The following WNT5B variants were observed in gnomAD, a reference collection of about 807,000 sequenced individuals.
WNT5B encodes Wnt family member 5B.
A neutral mutation model predicts 36.5 loss-of-function variants in WNT5B; 18 were observed. The observed-to-expected ratio is 0.49, with a 90% confidence interval of 0.34 to 0.73. The LOEUF (loss-of-function observed/expected upper bound fraction) is 0.73, where lower values mean the gene tolerates loss of function less well. WNT5B is among the 30% of genes least tolerant of loss of function. The pLI is 0.01. For missense variants in WNT5B, 424 were observed against 508.4 expected (o/e 0.83, Z 1.60); for synonymous variants, 213 against 212.3 (o/e 1.00, Z -0.03).
At chr12:1,625,301 G>A (rs2094539533), upstream of WNT5B, among the ~76,000 whole-genome samples, 3 of 152,300 alleles carry the variant, frequency 2.0e-5, no homozygotes, top group Admixed American at 6.5e-5. Context: ...AACTACTCTG[G>A]TGTTCAGATG....
chr12:1,622,272 G>C (rs1034308991), intron 1 of WNT5B, among the ~76,000 whole-genome samples: 3 of 151,922 alleles, frequency 2.0e-5, no homozygotes, highest in African/African-American at 7.3e-5. Flanking sequence ...CACCACGCCC[G>C]GCTAATTTTT....
Position 1,618,430 on chromosome 12 carries a change from T to C in WNT5B, c.-58+1287T>C, listed in dbSNP as rs2094529736. The stretch of plus-strand genomic sequence containing the variant: ...ACAAATAAATGTTTTTCCCCTATAG[T>C]ACAATACCCCAGAACTCTAGATCTG... On this transcript the variant is annotated intron_variant, in intron 1 of 4. Coordinates refer to the WNT5B transcript ENST00000310594. The surrounding 1 kb of genome is among the most constrained non-coding windows in gnomAD (Gnocchi z 4.1). Among the ~76,000 whole-genome samples, 1 of 152,102 alleles carries C rather than the reference T, an allele frequency of 6.6e-6. No homozygotes were observed. The highest frequency in any genetic ancestry group is 6.6e-5 in the Admixed American group (1 of 15,266).
In WNT5B at chr12:1,633,737, AC is replaced by A. The variant is rs1473050766; in HGVS notation, c.328+834del. ...CTTCTGCCTGACATTCTCCCAGAAC[AC>A]CTCCCTTCAAAAGGTTACCTGAGGC... is the stretch of plus-strand genomic sequence containing the variant. On this transcript the variant is annotated intron_variant, in intron 3 of 4. Coordinates refer to ENST00000397196, the MANE Select transcript of WNT5B (RefSeq NM_032642.3). The surrounding 1 kb of genome is among the most constrained non-coding windows in gnomAD (Gnocchi z 4.8). Among the ~76,000 whole-genome samples the A allele has an allele frequency of 2.6e-5, 4 of 151,984 alleles. No individual in the cohort carries two copies. Among genetic ancestry groups the A allele is most frequent in the Non-Finnish European group, 5.9e-5 (4 of 68,008 alleles).
At chr12:1,622,256 G>C (rs753502589) in intron 1 of WNT5B, among the ~76,000 whole-genome samples, 1 of 151,912 alleles carries the variant, frequency 6.6e-6, no homozygotes, top group Non-Finnish European at 1.5e-5. Context: ...GACTACAGGC[G>C]CCCGCCACCA....
chr12:1,621,720 T>G (rs2094534050), intron 1 of WNT5B, among the ~76,000 whole-genome samples: 4 of 151,480 alleles, frequency 2.6e-5, no homozygotes, highest in Admixed American at 2.6e-4. Flanking sequence ...TTTTTTTTTT[T>G]TTTTGGTAGA....
chr12:1,620,216 C>T (rs1409711194), intron 1 of WNT5B, among the ~76,000 whole-genome samples: 1 of 152,162 alleles, frequency 6.6e-6, no homozygotes, highest in African/African-American at 2.4e-5. Context: ...ATCACAGCCC[C>T]CTCCCTTGGA....
At chr12:1,634,051 AT>A (rs554304332) in intron 3 of WNT5B, among the ~76,000 whole-genome samples, 8 of 151,258 alleles carry the variant, frequency 5.3e-5, no homozygotes, top group African/African-American at 7.3e-5. Context: ...TATAAAAAAA[AT>A]TTTTTTTTTC....
chr12:1,635,738 A>G (rs1456239768), intron 3 of WNT5B, among the ~76,000 whole-genome samples: 1 of 152,224 alleles, frequency 6.6e-6, no homozygotes, highest in African/African-American at 2.4e-5. Context: ...CCTCCCTGAG[A>G]GGCTCTTTGG....
At chr12:1,639,557 C>T (rs1392464053) in intron 3 of WNT5B, 127 bp from the exon 4 acceptor site, 16 of 1,058,274 alleles carry the variant, frequency 1.5e-5, no homozygotes, top group Non-Finnish European at 2.1e-5. Context: ...CTACGGGAAG[C>T]GAAGCCCCCT....
In WNT5B at chr12:1,646,818, C is replaced by T. The variant is rs895022079; in HGVS notation, c.*566C>T. ...CGGCTCCTTCCCTAAAATGAGAAGT[C>T]CAAGGTCATCTCTGGCCCAGTGACC... On this transcript the variant is annotated 3_prime_UTR_variant, in exon 5 of 5. Coordinates refer to ENST00000397196, the MANE Select transcript of WNT5B (RefSeq NM_032642.3). The T allele has an allele frequency of 5.9e-5, 9 of 152,234 alleles. No homozygotes were observed. Among genetic ancestry groups the T allele is most frequent in the Non-Finnish European group, 1.0e-4 (7 of 68,104 alleles). 9.4% of individuals were successfully genotyped at this position (152,234 alleles called of 1,614,324 possible). A position where few individuals can be genotyped will look rare whatever the true frequency, so the allele number is the denominator to read the frequency against.
chr12:1,639,656 C>A (rs1227611028), intron 3 of WNT5B, 28 bp from the exon 4 acceptor site: 2 of 1,479,338 alleles, frequency 1.4e-6, no homozygotes, highest in Admixed American at 2.5e-5. Flanking sequence ...AGAGCGCACC[C>A]GCTTACCGCC....
At chr12:1,639,390 G>A (rs944681164) in intron 3 of WNT5B, among the ~76,000 whole-genome samples, 3 of 152,152 alleles carry the variant, frequency 2.0e-5, no homozygotes, top group South Asian at 2.1e-4. Flanking sequence ...CGCCCGCCCC[G>A]GCCTCCCAAA....
At chr12:1,619,766 C>T (rs2094531370) in intron 1 of WNT5B, among the ~76,000 whole-genome samples, 1 of 152,118 alleles carries the variant, frequency 6.6e-6, no homozygotes, top group African/African-American at 2.4e-5. Flanking sequence ...ATTCATGTGC[C>T]GTTGATCCAG....
chr12:1,621,699 A>G (rs9634145), intron 1 of WNT5B, among the ~76,000 whole-genome samples: 114,951 of 150,522 alleles, frequency 0.76, 44,406 homozygotes, highest in African/African-American at 0.84. Context: ...GTGCCACCAT[A>G]TCCAGCTATT....
At chr12:1,620,346 T>C (rs531165924) in intron 1 of WNT5B, among the ~76,000 whole-genome samples, 1 of 152,374 alleles carries the variant, frequency 6.6e-6, no homozygotes, top group Non-Finnish European at 1.5e-5. Flanking sequence ...TATACTTTCT[T>C]GTGACTTGCT....
intron 4 of WNT5B, among the ~76,000 whole-genome samples, chr12:1,642,556 G>C (rs2094577450): frequency 6.6e-6 from 1 of 152,194 alleles, no homozygotes; most frequent in East Asian, 1.9e-4. Context: ...TATACACAGA[G>C]GAGTTCCGTG....
intron 1 of WNT5B, among the ~76,000 whole-genome samples, chr12:1,623,411 G>A (rs912005405): frequency 6.6e-6 from 1 of 151,624 alleles, no homozygotes; most frequent in Admixed American, 6.6e-5. Flanking sequence ...TAGCCAGGAT[G>A]GTCTCCATCT....
At position 1,646,372 on chromosome 12, in the gene WNT5B, A is replaced by G. The variant is rs1308563882; in HGVS notation, c.*120A>G. On this transcript the variant is annotated 3_prime_UTR_variant, in exon 5 of 5. Transcript: ENST00000397196. The stretch of plus-strand genomic sequence containing the variant: ...AATGGGTGGGTGCTATACAATGGAA[A>G]GATGAAAATGGAAAGGAAGAGCTTA... 3 of 860,026 alleles carry G rather than the reference A, an allele frequency of 3.5e-6. No individual in the cohort carries two copies. The African/African-American group carries it at 5.2e-5, about 15-fold the overall frequency. The allele number at this position is 860,026 out of a possible 1,614,324, so 53.3% of individuals were successfully genotyped here.
rs367856456 is a variant in WNT5B at position 1,645,836 on chromosome 12, G to A, written c.664G>A (p.Val222Ile). 2.2e-5 allele frequency: 36 copies of A among 1,605,230 alleles called. 1 individual carries two copies. In the African/African-American group the frequency reaches 2.8e-4, roughly 13 times the overall value. Residue 222 changes from valine (V) to isoleucine (I), a missense_variant, in exon 5 of 5, where the codon GTC (valine) becomes ATC (isoleucine). By Grantham distance (29) the Val-to-Ile change is conservative. Coordinates refer to ENST00000397196, the MANE Select transcript of WNT5B (RefSeq NM_032642.3). ...MADVACKCHGVSGSCSLKTCW... is the reference protein window; with the variant it reads ...MADVACKCHGISGSCSLKTCW... Reference sequence around the variant, plus strand: ...AGACGTAGCCTGCAAATGCCACGGCGTCTCGGGGTCCTGCAGCCTCAAGAC... The same window carrying A: ...AGACGTAGCCTGCAAATGCCACGGCATCTCGGGGTCCTGCAGCCTCAAGAC...
Sources: allele counts gnomAD v4.1 joint callset (sites outside exome capture counted in the v4.1 genomes callset), GRCh38; gene constraint gnomAD v4.1.1; non-coding constraint Gnocchi (gnomAD v3.1); transcripts MANE v1.5; gene names NCBI Gene and HGNC (gene_info 2026-07-23, HGNC 2026-07-21).